The following TSPAN11 variants were observed in gnomAD, a reference collection of about 807,000 sequenced individuals.
TSPAN11 encodes tetraspanin 11, also known as tetraspanin-11.
In TSPAN11, 29 loss-of-function variants were observed where a neutral mutation model predicts 32.9. That is an observed-to-expected ratio of 0.88 (90% CI 0.66 to 1.20). The LOEUF is 1.20. Among genes scored for constraint, TSPAN11 ranks in the 50% most tolerant of loss-of-function variants. The pLI, the probability that TSPAN11 is intolerant of heterozygous loss-of-function variation, is 0.00. For missense variants in TSPAN11, 283 were observed against 329.1 expected (o/e 0.86, Z 1.08); for synonymous variants, 140 against 141.3 (o/e 0.99, Z 0.07).
intron 3 of TSPAN11, among the ~76,000 whole-genome samples, chr12:30,973,138 C>G (rs1393898809): frequency 1.3e-5 from 2 of 152,224 alleles, no homozygotes; most frequent in Non-Finnish European, 2.9e-5. Flanking sequence ...GGTCAGAGCA[C>G]AGGTTCTGCA....
At chr12:31,001,593 G>T (rs1006186732), downstream of TSPAN11, among the ~76,000 whole-genome samples, 8 of 152,288 alleles carry the variant, frequency 5.3e-5, no homozygotes, top group East Asian at 1.4e-3. Flanking sequence ...ATAGACATTT[G>T]TGTGTGCCGG....
At chr12:30,966,704 G>T (rs1050516654) in intron 3 of TSPAN11, among the ~76,000 whole-genome samples, 1 of 152,226 alleles carries the variant, frequency 6.6e-6, no homozygotes. Context: ...GGCACACCCT[G>T]CCCTCCATCT....
chr12:30,990,487 T>A (rs982772176), intron 7 of TSPAN11, among the ~76,000 whole-genome samples: 2 of 152,230 alleles, frequency 1.3e-5, no homozygotes, highest in Non-Finnish European at 2.9e-5. Flanking sequence ...GCCGCCTGCG[T>A]AAAGCTAGCG....
At chr12:30,952,626 A>G (rs1251309536) in intron 1 of TSPAN11, among the ~76,000 whole-genome samples, 1 of 152,172 alleles carries the variant, frequency 6.6e-6, no homozygotes, top group African/African-American at 2.4e-5. Flanking sequence ...AGAGGAAATA[A>G]TTGGGGCGTG....
chr12:30,962,645 T>A (rs1938636216), intron 2 of TSPAN11, among the ~76,000 whole-genome samples: 2 of 152,146 alleles, frequency 1.3e-5, no homozygotes, highest in South Asian at 4.1e-4. Flanking sequence ...GGAGCTCCTT[T>A]CAGTGACAAG....
At chr12:31,001,074 C>A (rs1483349938), downstream of TSPAN11, among the ~76,000 whole-genome samples, 1 of 152,208 alleles carries the variant, frequency 6.6e-6, no homozygotes, top group East Asian at 1.9e-4. Flanking sequence ...TCTGACCACT[C>A]TTCACACTGT....
At chr12:30,979,760 T>C (rs1197892752) in intron 5 of TSPAN11, 90 bp downstream of exon 5, 2 of 1,283,020 alleles carry the variant, frequency 1.6e-6, no homozygotes, top group Non-Finnish European at 2.2e-6. Flanking sequence ...CCTAGGCAAG[T>C]TACTTACCCT....
chr12:31,016,304 T>C, the TSPAN11 span, among the ~76,000 whole-genome samples: 31 of 152,268 alleles, frequency 2.0e-4, no homozygotes, highest in African/African-American at 7.0e-4. Context: ...GTTGGGATGA[T>C]GGAAAAGTCC....
At chr12:30,962,113 T>C (rs1208847065) in intron 2 of TSPAN11, among the ~76,000 whole-genome samples, 1 of 151,984 alleles carries the variant, frequency 6.6e-6, no homozygotes, top group Non-Finnish European at 1.5e-5. Flanking sequence ...ATAAGATACA[T>C]CCCAATTTTA....
At chr12:30,976,669 G>A (rs905560251) in intron 3 of TSPAN11, among the ~76,000 whole-genome samples, 3 of 152,182 alleles carry the variant, frequency 2.0e-5, no homozygotes, top group Non-Finnish European at 4.4e-5. Context: ...ATCCCCTTGT[G>A]GAATCTGCAA....
chr12:30,999,457 C>T (rs1336596891), downstream of TSPAN11, among the ~76,000 whole-genome samples: 1 of 152,174 alleles, frequency 6.6e-6, no homozygotes, highest in African/African-American at 2.4e-5. Context: ...CCTGGCCTAC[C>T]TTAAACGTGC....
intron 1 of TSPAN11, among the ~76,000 whole-genome samples, chr12:30,928,648 C>T (rs953311670): frequency 6.6e-6 from 1 of 152,196 alleles, no homozygotes; most frequent in African/African-American, 2.4e-5. Context: ...GGTCAGGTCC[C>T]GGCTCAGCTC....
chr12:30,934,727 A>G (rs117704057), intron 1 of TSPAN11, among the ~76,000 whole-genome samples: 24 of 152,106 alleles, frequency 1.6e-4, no homozygotes, highest in East Asian at 9.7e-4. Flanking sequence ...TCTTCTTCCA[A>G]TGAGGCCCAG....
intron 1 of TSPAN11, among the ~76,000 whole-genome samples, chr12:30,948,830 G>A (rs902875060): frequency 6.6e-6 from 1 of 152,104 alleles, no homozygotes; most frequent in Non-Finnish European, 1.5e-5. Flanking sequence ...AGAAAATGAA[G>A]TTTTCTACTG....
intron 3 of TSPAN11, among the ~76,000 whole-genome samples, chr12:30,974,471 T>G (rs1053533592): frequency 1.3e-5 from 2 of 152,260 alleles, no homozygotes; most frequent in African/African-American, 4.8e-5. Flanking sequence ...CTAAGGTAAC[T>G]GTGCTATGCT....
intron 3 of TSPAN11, among the ~76,000 whole-genome samples, chr12:30,970,738 T>G (rs1019921570): frequency 3.3e-5 from 5 of 152,166 alleles, no homozygotes; most frequent in Non-Finnish European, 7.4e-5. Flanking sequence ...ACCCAGGCGC[T>G]GAGCCCTGGG....
At chr12:31,011,685 C>T in the TSPAN11 span, among the ~76,000 whole-genome samples, 1 of 151,482 alleles carries the variant, frequency 6.6e-6, no homozygotes, top group African/African-American at 2.4e-5. Flanking sequence ...CCCTGTGCCA[C>T]CAAAAAAAAA....
chr12:30,939,492 C>T (rs1938116241), intron 1 of TSPAN11, among the ~76,000 whole-genome samples: 1 of 152,220 alleles, frequency 6.6e-6, no homozygotes, highest in Non-Finnish European at 1.5e-5. Context: ...TTCCTCAGAT[C>T]TGGCATTTGT....
At chr12:30,980,436 T>C (rs372123181) in intron 5 of TSPAN11, among the ~76,000 whole-genome samples, 2 of 152,196 alleles carry the variant, frequency 1.3e-5, no homozygotes, top group East Asian at 3.8e-4. Context: ...GCTGCCTTCA[T>C]TGCAGAACGT....
Sources: allele counts gnomAD v4.1 joint callset (sites outside exome capture counted in the v4.1 genomes callset), GRCh38; gene constraint gnomAD v4.1.1; transcripts MANE v1.5; gene names NCBI Gene and HGNC (gene_info 2026-07-23, HGNC 2026-07-21).